Variants in CADM2 observed in about 807,000 individuals in gnomAD.
The protein encoded by CADM2 is cell adhesion molecule 2, also known as immunoglobulin superfamily member 4D.
Under a neutral mutation model 49.8 loss-of-function variants are expected in CADM2, and 12 were observed. That is an observed-to-expected ratio of 0.24 (90% CI 0.15 to 0.39). CADM2 has a LOEUF of 0.39. Ranked by LOEUF, CADM2 falls within the 10% of genes least tolerant of loss-of-function variation. The pLI, the probability that CADM2 is intolerant of heterozygous loss-of-function variation, is 1.00. For synonymous variants in CADM2, 214 were observed against 175.4 expected, an observed-to-expected ratio of 1.22 and a Z score of -1.74; for missense variants, 378 against 492.3, an observed-to-expected ratio of 0.77 and a Z score of 2.20.
At chr3:85,632,365 G>A (rs2064339770) in intron 1 of CADM2, among the ~76,000 whole-genome samples, 1 of 151,984 alleles carries the variant, frequency 6.6e-6, no homozygotes, top group South Asian at 2.1e-4. Context: ...CCAGTCTTGG[G>A]TATGTCATTA....
intron 1 of CADM2, among the ~76,000 whole-genome samples, chr3:85,447,006 A>AAGC (rs1341978005): frequency 7.7e-6 from 1 of 129,690 alleles, no homozygotes; most frequent in Non-Finnish European, 1.6e-5. Context: ...ATATATATAT[A>AAGC]TATATATATA....
At chr3:85,256,251 C>T (rs371452212) in intron 1 of CADM2, among the ~76,000 whole-genome samples, 1 of 152,026 alleles carries the variant, frequency 6.6e-6, no homozygotes, top group African/African-American at 2.4e-5. Flanking sequence ...CAGGATCACT[C>T]TCCTCTTTTT....
chr3:85,401,588 A>G (rs2035113283), intron 1 of CADM2, among the ~76,000 whole-genome samples: 1 of 152,174 alleles, frequency 6.6e-6, no homozygotes, highest in Admixed American at 6.6e-5. Context: ...GACATTCTGG[A>G]TGCCCAGAAA....
chr3:85,932,320 A>T (rs893019393), intron 6 of CADM2, among the ~76,000 whole-genome samples: 11 of 152,182 alleles, frequency 7.2e-5, no homozygotes, highest in Admixed American at 6.6e-5. Flanking sequence ...TTCATTTTGA[A>T]TACGTCAAAT....
At chr3:85,335,292 C>T (rs2045047184) in intron 1 of CADM2, among the ~76,000 whole-genome samples, 1 of 151,480 alleles carries the variant, frequency 6.6e-6, no homozygotes, top group Non-Finnish European at 1.5e-5. Context: ...CAGTGGCCTG[C>T]TACTTTATAT....
At chr3:85,628,378 C>G (rs905196089) in intron 1 of CADM2, among the ~76,000 whole-genome samples, 1 of 151,562 alleles carries the variant, frequency 6.6e-6, no homozygotes, top group Non-Finnish European at 1.5e-5. Context: ...ATCTATTTCA[C>G]TTCTGCAATC....
At chr3:84,989,842 G>C (rs1247351925) in intron 1 of CADM2, among the ~76,000 whole-genome samples, 1 of 151,856 alleles carries the variant, frequency 6.6e-6, no homozygotes, top group Non-Finnish European at 1.5e-5. Flanking sequence ...TAAGTATTGT[G>C]ATTATTTTCT....
intron 1 of CADM2, among the ~76,000 whole-genome samples, chr3:85,429,457 G>T (rs569318110): frequency 1.3e-5 from 2 of 151,856 alleles, no homozygotes; most frequent in African/African-American, 2.4e-5. Flanking sequence ...ATTATATATC[G>T]TTAAATATAA....
chr3:85,052,594 G>T (rs1314411584), intron 1 of CADM2, among the ~76,000 whole-genome samples: 2 of 152,012 alleles, frequency 1.3e-5, no homozygotes, highest in Non-Finnish European at 2.9e-5. Context: ...CTAATCCAAT[G>T]CCATTTTCTT....
At chr3:85,363,675 G>C (rs1047460620) in intron 1 of CADM2, among the ~76,000 whole-genome samples, 1 of 152,110 alleles carries the variant, frequency 6.6e-6, no homozygotes, top group African/African-American at 2.4e-5. Flanking sequence ...GCAGTGGCTC[G>C]ATCTTGGCTC....
intron 1 of CADM2, among the ~76,000 whole-genome samples, chr3:85,706,221 G>C (rs1225406870): frequency 1.3e-5 from 2 of 152,070 alleles, no homozygotes; most frequent in Non-Finnish European, 2.9e-5. Context: ...TCTACATTGT[G>C]TTCTATAATA....
intron 1 of CADM2, among the ~76,000 whole-genome samples, chr3:85,500,448 T>A (rs2040069608): frequency 2.6e-5 from 4 of 152,052 alleles, no homozygotes. Context: ...AAAATAATGG[T>A]GTGTCTTATA....
At chr3:85,476,566 C>T (rs2038983150) in intron 1 of CADM2, among the ~76,000 whole-genome samples, 1 of 148,340 alleles carries the variant, frequency 6.7e-6, no homozygotes, top group Admixed American at 6.9e-5. Flanking sequence ...GTGCACATTA[C>T]CTATTGCAGT....
chr3:85,725,895 A>AT (rs1297443414), intron 1 of CADM2, among the ~76,000 whole-genome samples: 4 of 152,018 alleles, frequency 2.6e-5, no homozygotes, highest in Non-Finnish European at 5.9e-5. Flanking sequence ...TTAAGGTAAT[A>AT]TTTTACAGCA....
At chr3:85,002,586 A>G (rs76280823) in intron 1 of CADM2, among the ~76,000 whole-genome samples, 1 of 151,952 alleles carries the variant, frequency 6.6e-6, no homozygotes, top group Non-Finnish European at 1.5e-5. Flanking sequence ...AATAATTATT[A>G]TTTTTTTGTC....
At chr3:84,963,730 C>T (rs1005813397) in intron 1 of CADM2, among the ~76,000 whole-genome samples, 4 of 152,166 alleles carry the variant, frequency 2.6e-5, no homozygotes, top group Non-Finnish European at 5.9e-5. Flanking sequence ...CCTCACCTTA[C>T]ATTTTTAGAA....
chr3:86,045,182 A>G lies in CADM2; in HGVS notation c.971-20423A>G, dbSNP rs192090849. Among the ~76,000 whole-genome samples the G allele has an allele frequency of 5.5e-3, 832 of 152,132 alleles. 7 individuals carry two copies. Among genetic ancestry groups the G allele is most frequent in the Non-Finnish European group, 8.3e-3 (564 of 68,004 alleles). Reference sequence around the variant, plus strand: ...TGTAACTAACCTGCACATTGTGCACATGTACCCTAAAACTTAACGTATAAT... The same window carrying G: ...TGTAACTAACCTGCACATTGTGCACGTGTACCCTAAAACTTAACGTATAAT... On this transcript the variant is annotated intron_variant, in intron 8 of 9. Coordinates refer to ENST00000383699, the MANE Select transcript of CADM2 (RefSeq NM_001167675.2).
intron 1 of CADM2, among the ~76,000 whole-genome samples, chr3:85,234,871 A>G (rs2042376796): frequency 6.6e-6 from 1 of 152,166 alleles, no homozygotes; most frequent in Admixed American, 6.6e-5. Flanking sequence ...AAACAAATGT[A>G]TAAAACATAA....
chr3:84,975,216 A>C (rs2031739767), intron 1 of CADM2, among the ~76,000 whole-genome samples: 1 of 151,828 alleles, frequency 6.6e-6, no homozygotes, highest in Non-Finnish European at 1.5e-5. Context: ...TAAAACAGTT[A>C]TTTAAAACAA....
Sources: allele counts gnomAD v4.1 joint callset (sites outside exome capture counted in the v4.1 genomes callset), GRCh38; gene constraint gnomAD v4.1.1; transcripts MANE v1.5; gene names NCBI Gene and HGNC (gene_info 2026-07-23, HGNC 2026-07-21).